TSHZ1: variants seen among roughly 807,000 people sequenced by gnomAD.
TSHZ1 encodes the protein teashirt homolog 1.
Under a neutral mutation model 67.1 loss-of-function variants are expected in TSHZ1, and 12 were observed. The ratio of observed to expected loss-of-function variants is 0.18; its 90% CI spans 0.11 to 0.29. The LOEUF (loss-of-function observed/expected upper bound fraction) is 0.29, where lower values mean the gene tolerates loss of function less well. Ranked by LOEUF, TSHZ1 falls within the 10% of genes least tolerant of loss-of-function variation. The pLI is 1.00. For synonymous variants in TSHZ1, 632 were observed against 622.4 expected (o/e 1.02, Z -0.23); for missense variants, 1,305 against 1,413.9 (o/e 0.92, Z 1.23).
chr18:75,239,939 C>G (rs1367884838), intron 1 of TSHZ1, among the ~76,000 whole-genome samples: 1 of 152,208 alleles, frequency 6.6e-6, no homozygotes, highest in African/African-American at 2.4e-5. Flanking sequence ...CGAGAAAACT[C>G]TATTTCTTGA....
chr18:75,254,647 G>A (rs1007590275), intron 1 of TSHZ1, among the ~76,000 whole-genome samples: 1 of 152,140 alleles, frequency 6.6e-6, no homozygotes, highest in Non-Finnish European at 1.5e-5. Context: ...GATAGCAGAT[G>A]ACCTAATAGT....
intron 1 of TSHZ1, among the ~76,000 whole-genome samples, chr18:75,274,685 T>C (rs889985697): frequency 6.6e-6 from 1 of 152,210 alleles, no homozygotes; most frequent in African/African-American, 2.4e-5. Context: ...TTGTAAGTTG[T>C]TATGTCTCTC....
intron 1 of TSHZ1, among the ~76,000 whole-genome samples, chr18:75,261,066 T>C (rs2023424594): frequency 6.6e-6 from 1 of 151,952 alleles, no homozygotes; most frequent in African/African-American, 2.4e-5. Context: ...TCACGTTTCA[T>C]TGGCCACATC....
Position 75,286,399 on chromosome 18 carries a change from A to G in TSHZ1, c.992A>G (p.His331Arg). 1 of 1,614,188 alleles carries G rather than the reference A, an allele frequency of 6.2e-7. No individual in the cohort carries two copies. Among genetic ancestry groups the G allele is most frequent in the Non-Finnish European group, 8.5e-7 (1 of 1,180,026 alleles). Residue 331 changes from histidine (H) to arginine (R), a missense_variant, in exon 2 of 2, where the codon CAT (histidine) becomes CGT (arginine). His to Arg is a conservative substitution (Grantham distance 29). Around this residue, in one of 3 missense-constraint regions of TSHZ1, gnomAD observed 38 missense variants for 76.5 expected, o/e 0.50. Coordinates refer to ENST00000580243, the MANE Select transcript of TSHZ1 (RefSeq NM_001308210.2). The surrounding 1 kb of genome is among the most constrained non-coding windows in gnomAD (Gnocchi z 5.1). ...AGCGTCCACATGATCAAAACCAAGC[A>G]TTACCAGAAAGTGCCTCTGAAGGAG... ...DLSVHMIKTK[H>R]YQKVPLKEPV...
rs3809997 is a variant in TSHZ1, at chr18:75,286,931, T to C, written c.1524T>C (p.Pro508=). 0.39 allele frequency: 633,040 copies of C among 1,613,950 alleles called. 125,877 individuals are homozygous for C. The highest frequency in any genetic ancestry group is 0.41 in the Middle Eastern group (2,503 of 6,062). ...EKKEPEKEKP[P]VAGDAEKIKE... is the part of the protein sequence containing the mutation. The stretch of plus-strand genomic sequence containing the variant: ...AAGAGCCAGAGAAGGAGAAGCCGCC[T>C]GTGGCTGGCGACGCGGAGAAGATCA... Residue 508 remains proline, a synonymous_variant, in exon 2 of 2, where the codon CCT becomes CCC. Coordinates refer to ENST00000580243, the MANE Select transcript of TSHZ1 (RefSeq NM_001308210.2). This position sits in a 1 kb window ranked among gnomAD's most constrained non-coding sequence, Gnocchi z 5.1.
Position 75,228,117 on chromosome 18 carries a change from A to G in TSHZ1, c.40+16201A>G, listed in dbSNP as rs573953955. Among the ~76,000 whole-genome samples, 7 of 152,366 alleles carry G rather than the reference A, an allele frequency of 4.6e-5. No homozygotes were observed. In the East Asian group the frequency reaches 1.3e-3, roughly 29 times the overall value. On this transcript the variant is annotated intron_variant, in intron 1 of 1. Transcript: ENST00000580243. Reference sequence around the variant, plus strand: ...GACAACCTGAAAACGCGGATCCATGAATTTTAATGGATGGATGCTTTTTTC... The same window carrying G: ...GACAACCTGAAAACGCGGATCCATGGATTTTAATGGATGGATGCTTTTTTC...
At chr18:75,262,465 G>C (rs1435336718) in intron 1 of TSHZ1, among the ~76,000 whole-genome samples, 1 of 152,166 alleles carries the variant, frequency 6.6e-6, no homozygotes, top group African/African-American at 2.4e-5. Flanking sequence ...AGCCTATATA[G>C]ACACGGAGAG....
At chr18:75,274,742 T>A (rs1469922366) in intron 1 of TSHZ1, among the ~76,000 whole-genome samples, 4 of 152,176 alleles carry the variant, frequency 2.6e-5, no homozygotes, top group South Asian at 2.1e-4. Context: ...TAATTTTTTT[T>A]AAAAACGGCA....
chr18:75,224,742 A>T (rs1458278222), intron 1 of TSHZ1, among the ~76,000 whole-genome samples: 3 of 152,098 alleles, frequency 2.0e-5, no homozygotes. Context: ...ACAGTATAGG[A>T]TACAGGGTGG....
chr18:75,274,971 A>G (rs2023599306), intron 1 of TSHZ1, among the ~76,000 whole-genome samples: 2 of 152,226 alleles, frequency 1.3e-5, no homozygotes, highest in East Asian at 1.9e-4. Flanking sequence ...GTGTTAGCTC[A>G]TGGTTCATCA....
At position 75,288,774 on chromosome 18, in the gene TSHZ1, A is replaced by G. The variant is rs973433471; in HGVS notation, c.*133A>G. The G allele has an allele frequency of 1.0e-5, 14 of 1,390,126 alleles. 1 individual carries two copies. Among genetic ancestry groups the G allele is most frequent in the African/African-American group, 5.8e-5 (4 of 68,414 alleles). 86.1% of individuals were successfully genotyped at this position (1,390,126 alleles called of 1,614,324 possible). On this transcript the variant is annotated 3_prime_UTR_variant, in exon 2 of 2. Coordinates refer to ENST00000580243, the MANE Select transcript of TSHZ1 (RefSeq NM_001308210.2). This position sits in a 1 kb window ranked among gnomAD's most constrained non-coding sequence, Gnocchi z 4.9. Reference sequence around the variant, plus strand: ...TCTCTGGACCTTGGTTTTCTTACACATATTTTGTATATTTATATGCTCTCT... The same window carrying G: ...TCTCTGGACCTTGGTTTTCTTACACGTATTTTGTATATTTATATGCTCTCT...
intron 1 of TSHZ1, among the ~76,000 whole-genome samples, chr18:75,227,993 T>C (rs1162431286): frequency 3.3e-5 from 5 of 152,328 alleles, no homozygotes; most frequent in Admixed American, 2.6e-4. Context: ...AAAGCAAAGA[T>C]TGATTGTGGA....
intron 1 of TSHZ1, among the ~76,000 whole-genome samples, chr18:75,218,461 T>C (rs951582849): frequency 6.6e-6 from 1 of 152,240 alleles, no homozygotes; most frequent in Non-Finnish European, 1.5e-5. Context: ...TGTACAGTTA[T>C]TAGCTGCTGA....
intron 1 of TSHZ1, among the ~76,000 whole-genome samples, chr18:75,259,487 G>A (rs2023404154): frequency 6.6e-6 from 1 of 152,102 alleles, no homozygotes; most frequent in African/African-American, 2.4e-5. Context: ...CCTTTGCCCG[G>A]CATATCCAGA....
chr18:75,263,028 G>C (rs116621166), intron 1 of TSHZ1, among the ~76,000 whole-genome samples: 36 of 152,226 alleles, frequency 2.4e-4, no homozygotes, highest in African/African-American at 8.4e-4. Context: ...ACAAGAGGCC[G>C]GTTTTCTGGG....
chr18:75,240,989 C>T (rs1048844477), intron 1 of TSHZ1, among the ~76,000 whole-genome samples: 1 of 152,200 alleles, frequency 6.6e-6, no homozygotes, highest in African/African-American at 2.4e-5. Flanking sequence ...ACCTGCTGGG[C>T]TCTAGGGGCT....
intron 1 of TSHZ1, among the ~76,000 whole-genome samples, chr18:75,214,695 C>G (rs1158725296): frequency 6.6e-6 from 1 of 151,990 alleles, no homozygotes; most frequent in Non-Finnish European, 1.5e-5. Context: ...GGAAAATTAT[C>G]CAAATGAATC....
At chr18:75,273,583 A>G (rs1198288980) in intron 1 of TSHZ1, among the ~76,000 whole-genome samples, 2 of 152,220 alleles carry the variant, frequency 1.3e-5, no homozygotes, top group African/African-American at 4.8e-5. Context: ...TATAATTACA[A>G]TTTGAGATGA....
intron 1 of TSHZ1, among the ~76,000 whole-genome samples, chr18:75,234,780 G>T (rs567832487): frequency 6.6e-6 from 1 of 152,198 alleles, no homozygotes; most frequent in South Asian, 2.1e-4. Context: ...TAGTTCAAGG[G>T]TATCAGTAAA....
Sources: allele counts gnomAD v4.1 joint callset (sites outside exome capture counted in the v4.1 genomes callset), GRCh38; gene constraint gnomAD v4.1.1; regional missense constraint gnomAD v4.1.1; non-coding constraint Gnocchi (gnomAD v3.1); transcripts MANE v1.5; gene names NCBI Gene and HGNC (gene_info 2026-07-23, HGNC 2026-07-21).